Variants in HECW1 observed in about 807,000 individuals in gnomAD.
HECW1 encodes E3 ubiquitin-protein ligase HECW1.
In HECW1, 61 loss-of-function variants were observed where a neutral mutation model predicts 182.3. The ratio of observed to expected loss-of-function variants is 0.33; its 90% confidence interval spans 0.27 to 0.41. HECW1 has a LOEUF of 0.41. Among genes scored for constraint, HECW1 ranks in the 10% least tolerant of loss-of-function variants. The pLI, the probability that HECW1 is intolerant of heterozygous loss-of-function variation, is 1.00. For missense variants in HECW1, 1,739 were observed against 2,108.9 expected, an observed-to-expected ratio of 0.82 and a Z score of 3.44; for synonymous variants, 859 against 832.6, an observed-to-expected ratio of 1.03 and a Z score of -0.55.
intron 19 of HECW1, among the ~76,000 whole-genome samples, chr7:43,499,483 G>A (rs1370894490): frequency 1.4e-4 from 19 of 134,224 alleles, no homozygotes; most frequent in South Asian, 7.5e-4. Flanking sequence ...AAAAAAGAAA[G>A]AAAGAAAGAA....
intron 7 of HECW1, among the ~76,000 whole-genome samples, chr7:43,404,167 T>C (rs549418576): frequency 6.6e-6 from 1 of 152,348 alleles, no homozygotes; most frequent in East Asian, 1.9e-4. Flanking sequence ...ATACCTCTTA[T>C]TGCAACAGTT....
At chr7:43,340,414 G>A (rs558305158) in intron 5 of HECW1, among the ~76,000 whole-genome samples, 1 of 150,778 alleles carries the variant, frequency 6.6e-6, no homozygotes, top group South Asian at 2.1e-4. Context: ...AGAGACGGGG[G>A]TTCACCATAT....
In HECW1 at chr7:43,554,754, G is replaced by C; in HGVS notation, c.4673G>C (p.Cys1558Ser). 3 of 1,614,034 alleles carry C rather than the reference G, an allele frequency of 1.9e-6. No homozygotes were observed. The highest frequency in any genetic ancestry group is 2.5e-6 in the Non-Finnish European group (3 of 1,179,944). Reference protein sequence around the residue: ...LRGSNGLRRFCIEKWGKITSL... With the variant: ...LRGSNGLRRFSIEKWGKITSL... ...GGGAGCAATGGGCTTCGGCGCTTCT[G>C]CATAGAGAAATGGGGGAAAATTACT... Residue 1558 changes from cysteine to serine, a missense_variant, in exon 29 of 30, where the codon TGC becomes TCC. Coordinates refer to ENST00000395891, the MANE Select transcript of HECW1 (RefSeq NM_015052.5).
At chr7:43,388,436 T>G (rs910346196) in intron 6 of HECW1, among the ~76,000 whole-genome samples, 1 of 152,204 alleles carries the variant, frequency 6.6e-6, no homozygotes, top group Non-Finnish European at 1.5e-5. Context: ...CCATTGATTT[T>G]CATATTGCCA....
chr7:43,463,782 C>T lies in HECW1; in HGVS notation c.2774C>T (p.Ser925Phe), dbSNP rs778042441. The T allele has an allele frequency of 6.2e-7, 1 of 1,613,984 alleles. No homozygotes were observed. Among genetic ancestry groups the T allele is most frequent in the Non-Finnish European group, 8.5e-7 (1 of 1,179,980 alleles). The change falls in exon 14 of 30, where the codon TCT becomes TTT. Residue 925 changes from serine (S) to phenylalanine (F), a missense_variant. Around this residue, in one of 5 missense-constraint regions of HECW1, gnomAD observed 971 missense variants for 1,029.1 expected, o/e 0.94. Transcript: ENST00000395891. ...GGGGSDSEAE[S>F]SQSSLDLRRE... ...GGAGGGAGTGACTCAGAAGCCGAAT[C>T]TTCCCAGTCCAGCTTAGGTATTGGA...
intron 16 of HECW1, 72 bp from the exon 17 acceptor site, chr7:43,479,538 C>T (rs942240184): frequency 1.3e-6 from 2 of 1,577,702 alleles, no homozygotes; most frequent in African/African-American, 2.7e-5. Context: ...TGTAGCACTC[C>T]TGTATATTAC....
At chr7:43,326,601 G>A (rs761018803) in intron 5 of HECW1, among the ~76,000 whole-genome samples, 2 of 152,236 alleles carry the variant, frequency 1.3e-5, no homozygotes, top group African/African-American at 2.4e-5. Flanking sequence ...GCCATAATTA[G>A]AGGGCTGTGA....
chr7:43,224,638 G>A (rs374784972), intron 2 of HECW1, among the ~76,000 whole-genome samples: 40 of 150,466 alleles, frequency 2.7e-4, no homozygotes, highest in African/African-American at 9.6e-4. Flanking sequence ...TGGGCAACAC[G>A]GCAAGACCCT....
rs749079661 is a variant in HECW1 at position 43,466,502 on chromosome 7, G to C, written c.2847G>C (p.Leu949=). 9.3e-6 allele frequency: 15 copies of C among 1,613,772 alleles called. 1 individual carries two copies. ...TGAACTCACAAAAAATCACCTTGCT[G>C]CTGCAGTCCCCAGCGGTCAAGTTCA... ...SPVNSQKITL[L]LQSPAVKFIT... The change falls in exon 15 of 30, where the codon CTG becomes CTC. Residue 949 remains leucine, a synonymous_variant. Coordinates refer to ENST00000395891, the MANE Select transcript of HECW1 (RefSeq NM_015052.5).
intron 6 of HECW1, among the ~76,000 whole-genome samples, chr7:43,392,752 T>A (rs908286062): frequency 1.3e-5 from 2 of 152,176 alleles, no homozygotes; most frequent in Non-Finnish European, 2.9e-5. Flanking sequence ...GCAGTGATAC[T>A]GTGCAAAGAA....
intron 24 of HECW1, among the ~76,000 whole-genome samples, chr7:43,512,412 T>C (rs1159182436): frequency 6.6e-6 from 1 of 152,182 alleles, no homozygotes; most frequent in Non-Finnish European, 1.5e-5. Flanking sequence ...TTGTTGTTGG[T>C]TTTTTCCAAA....
At chr7:43,501,109 G>C (rs1372486752) in intron 20 of HECW1, 104 bp from the exon 21 acceptor site, 1 of 642,790 alleles carries the variant, frequency 1.6e-6, no homozygotes, top group Non-Finnish European at 2.7e-6. Context: ...TTGTTGCTTT[G>C]TGAGAAGTGT....
chr7:43,433,835 C>G (rs965783861), intron 8 of HECW1, among the ~76,000 whole-genome samples: 4 of 152,098 alleles, frequency 2.6e-5, no homozygotes, highest in African/African-American at 9.7e-5. Flanking sequence ...CATTGGTTGG[C>G]CCAAGCATGT....
chr7:43,328,100 TA>T (rs1183423289), intron 5 of HECW1, among the ~76,000 whole-genome samples: 1 of 151,748 alleles, frequency 6.6e-6, no homozygotes, highest in Non-Finnish European at 1.5e-5. Flanking sequence ...GAAGGATCAC[TA>T]GAGCCCAGGA....
intron 8 of HECW1, among the ~76,000 whole-genome samples, chr7:43,437,078 G>A (rs1171530453): frequency 1.3e-5 from 2 of 152,166 alleles, no homozygotes; most frequent in Non-Finnish European, 2.9e-5. Flanking sequence ...TAAAAGACCT[G>A]CTTTCTCCCT....
chr7:43,425,301 AGAT>A (rs71562099), intron 8 of HECW1, among the ~76,000 whole-genome samples: 13 of 117,416 alleles, frequency 1.1e-4, no homozygotes, highest in Non-Finnish European at 2.2e-4. Context: ...ATAGATAGAT[AGAT>A]GATAGATAGA....
chr7:43,355,139 C>T (rs1162938961), intron 5 of HECW1, among the ~76,000 whole-genome samples: 1 of 151,940 alleles, frequency 6.6e-6, no homozygotes, highest in African/African-American at 2.4e-5. Context: ...AAAGAATTCA[C>T]TACCACCAGA....
In HECW1 at chr7:43,364,645, A is replaced by T. The variant is rs570085608; in HGVS notation, c.555+3665A>T. Among the ~76,000 whole-genome samples, 6 of 152,370 alleles carry T rather than the reference A, an allele frequency of 3.9e-5. No homozygotes were observed. In the East Asian group the frequency reaches 1.2e-3, roughly 29 times the overall value. ...CAGACAGGCAAGGCCAGCAGAAGGG[A>T]TGGCCTGTACAAAGGCACGGGGTGA... On this transcript the variant is annotated intron_variant, in intron 6 of 29. Coordinates refer to ENST00000395891, the MANE Select transcript of HECW1 (RefSeq NM_015052.5).
chr7:43,195,450 G>A (rs1287625240), intron 2 of HECW1, among the ~76,000 whole-genome samples: 1 of 152,170 alleles, frequency 6.6e-6, no homozygotes, highest in East Asian at 1.9e-4. Flanking sequence ...CCACAGGGCG[G>A]CAGATCTGCC....
Sources: allele counts gnomAD v4.1 joint callset (sites outside exome capture counted in the v4.1 genomes callset), GRCh38; gene constraint gnomAD v4.1.1; regional missense constraint gnomAD v4.1.1; transcripts MANE v1.5; gene names NCBI Gene and HGNC (gene_info 2026-07-23, HGNC 2026-07-21).